The following ARID4B variants were observed in gnomAD, a reference collection of about 807,000 sequenced individuals.
ARID4B encodes the protein AT-rich interactive domain-containing protein 4B.
A neutral mutation model predicts 147.5 loss-of-function variants in ARID4B; 26 were observed. The observed-to-expected ratio is 0.18, with a 90% CI of 0.13 to 0.24. The LOEUF (loss-of-function observed/expected upper bound fraction) is 0.24. Ranked by LOEUF, ARID4B falls within the 10% of genes least tolerant of loss-of-function variation. The pLI, the probability that ARID4B is intolerant of heterozygous loss-of-function variation, is 1.00. For missense variants in ARID4B, 1,179 were observed against 1,511.5 expected, an observed-to-expected ratio of 0.78 and a Z score of 3.65; for synonymous variants, 512 against 507.9, an observed-to-expected ratio of 1.01 and a Z score of -0.11.
At chr1:235,244,013 A>C (rs1361394723) in intron 7 of ARID4B, among the ~76,000 whole-genome samples, 1 of 152,200 alleles carries the variant, frequency 6.6e-6, no homozygotes, top group African/African-American at 2.4e-5. Context: ...ACACTTTAAA[A>C]GGGTGAAGTA....
rs187727155 is a variant in ARID4B, at chr1:235,304,353, T to C, written c.6+22561A>G. On this transcript the variant is annotated intron_variant, in intron 2 of 23. Transcript: ENST00000264183. Reference sequence around the variant, plus strand: ...ACAGAGGAAGACCCTGTCCCGAAAATAAAAAAAAAGAAAAGAAATGACAAC... The same window carrying C: ...ACAGAGGAAGACCCTGTCCCGAAAACAAAAAAAAAGAAAAGAAATGACAAC... 4.2e-3 allele frequency among the ~76,000 whole-genome samples: 622 copies of C among 149,702 alleles called. 4 individuals are homozygous for C. The highest frequency in any genetic ancestry group is 0.015 in the African/African-American group (594 of 40,760).
intron 23 of ARID4B, among the ~76,000 whole-genome samples, chr1:235,170,654 C>T (rs532945521): frequency 2.2e-4 from 34 of 152,110 alleles, no homozygotes; most frequent in African/African-American, 7.0e-4. Flanking sequence ...AGGAGAATGG[C>T]GTGAACCCGG....
At chr1:235,289,362 TA>T (rs754756419) in intron 2 of ARID4B, among the ~76,000 whole-genome samples, 9 of 152,190 alleles carry the variant, frequency 5.9e-5, no homozygotes, top group Non-Finnish European at 1.0e-4. Context: ...AAGTTATTTA[TA>T]ATTCACATCA....
chr1:235,266,433 C>T (rs1322216793), intron 2 of ARID4B, among the ~76,000 whole-genome samples: 1 of 152,060 alleles, frequency 6.6e-6, no homozygotes, highest in African/African-American at 2.4e-5. Flanking sequence ...CACCTCCATG[C>T]CAAAAAGGAA....
chr1:235,256,078 C>G lies in ARID4B; in HGVS notation c.184-328G>C, dbSNP rs530816717. Among the ~76,000 whole-genome samples the G allele has an allele frequency of 1.3e-3, 191 of 149,010 alleles. 1 individual carries two copies. The highest frequency in any genetic ancestry group is 4.6e-3 in the African/African-American group (187 of 40,276). On this transcript the variant is annotated intron_variant, in intron 4 of 23. Transcript: ENST00000264183. ...AATCCCAGCTACTCGGGAGGCTGAGCCAGGAGAATTGCTTGAGCCTGGGAG... is the reference window on the plus strand; with the variant it reads ...AATCCCAGCTACTCGGGAGGCTGAGGCAGGAGAATTGCTTGAGCCTGGGAG...
intron 2 of ARID4B, among the ~76,000 whole-genome samples, chr1:235,300,800 C>G (rs949968677): frequency 6.6e-6 from 1 of 152,102 alleles, no homozygotes; most frequent in African/African-American, 2.4e-5. Flanking sequence ...ACCTCCACCT[C>G]CCAGGTTCAA....
intron 21 of ARID4B, 73 bp downstream of exon 21, chr1:235,177,727 A>G: frequency 2.0e-6 from 2 of 988,280 alleles, no homozygotes; most frequent in South Asian, 1.5e-5. Flanking sequence ...TACCCTGAAT[A>G]CCATTTTCTT....
intron 9 of ARID4B, among the ~76,000 whole-genome samples, chr1:235,232,742 C>T (rs559786423): frequency 6.6e-6 from 1 of 152,262 alleles, no homozygotes; most frequent in South Asian, 2.1e-4. Flanking sequence ...TCCTTACCCC[C>T]CAACAATTTA....
At chr1:235,230,599 A>AAAAAAAAAAAAAAAAAAAAC (rs1326767731) in intron 10 of ARID4B, among the ~76,000 whole-genome samples, 1 of 122,228 alleles carries the variant, frequency 8.2e-6, no homozygotes, top group African/African-American at 3.0e-5. Flanking sequence ...TAAGCTAAAA[A>AAAAAAAAAAAAAAAAAAAAC]AAAAAAAAAA....
At position 235,268,018 on chromosome 1, in the gene ARID4B, G is replaced by GT. The variant is rs1670730428; in HGVS notation, c.7-7267dup. On this transcript the variant is annotated intron_variant, in intron 2 of 23. Coordinates refer to ENST00000264183, the MANE Select transcript of ARID4B (RefSeq NM_016374.6). The stretch of plus-strand genomic sequence containing the variant: ...ACTAAGGACATGGATTTGTGAAGGG[G>GT]TAAGGGTTGAATAGGCACAAGGACA... 5.9e-5 allele frequency among the ~76,000 whole-genome samples: 9 copies of GT among 152,286 alleles called. No individual in the cohort carries two copies. The South Asian group carries it at 1.9e-3, about 32-fold the overall frequency.
intron 17 of ARID4B, among the ~76,000 whole-genome samples, chr1:235,203,164 C>T (rs1019180240): frequency 5.9e-5 from 9 of 152,314 alleles, no homozygotes; most frequent in East Asian, 5.8e-4. Flanking sequence ...TCAGAGACCA[C>T]AGCATACTTG....
At chr1:235,234,622 GCACA>G (rs35818300) in intron 8 of ARID4B, 130 bp from the exon 9 acceptor site, 10 of 559,626 alleles carry the variant, frequency 1.8e-5, no homozygotes, top group South Asian at 2.3e-5. Flanking sequence ...GGGTAAACAG[GCACA>G]CACACACACG....
intron 17 of ARID4B, among the ~76,000 whole-genome samples, chr1:235,207,731 T>C (rs776578335): frequency 5.9e-5 from 9 of 152,208 alleles, no homozygotes; most frequent in Non-Finnish European, 1.0e-4. Context: ...TAAAGTGTGA[T>C]AAAAAGCAAC....
At chr1:235,198,498 G>C (rs1406353171) in intron 17 of ARID4B, among the ~76,000 whole-genome samples, 2 of 152,160 alleles carry the variant, frequency 1.3e-5, no homozygotes, top group Admixed American at 6.5e-5. Context: ...TTAAGAACAA[G>C]GTGGCAAGAA....
At chr1:235,317,483 G>T (rs549656436) in intron 2 of ARID4B, among the ~76,000 whole-genome samples, 1 of 152,134 alleles carries the variant, frequency 6.6e-6, no homozygotes, top group Non-Finnish European at 1.5e-5. Context: ...CTTTCATTAT[G>T]TCCCTTGCTT....
intron 19 of ARID4B, among the ~76,000 whole-genome samples, chr1:235,188,942 C>T (rs1664879193): frequency 6.6e-6 from 1 of 151,872 alleles, no homozygotes; most frequent in Non-Finnish European, 1.5e-5. Context: ...AACAACAACA[C>T]AGAAAAAAGC....
intron 2 of ARID4B, among the ~76,000 whole-genome samples, chr1:235,282,646 C>T (rs184619769): frequency 2.6e-5 from 4 of 151,902 alleles, no homozygotes; most frequent in African/African-American, 9.7e-5. Flanking sequence ...TTTCGACAGA[C>T]CCAAAAAAGT....
chr1:235,304,268 AG>A (rs1442048071), intron 2 of ARID4B, among the ~76,000 whole-genome samples: 2 of 152,130 alleles, frequency 1.3e-5, no homozygotes, highest in Admixed American at 6.6e-5. Context: ...GGATCACTTG[AG>A]CCCAGGAGGT....
chr1:235,223,353 T>TTATATATATATACACGTATATA (rs1558218893), intron 12 of ARID4B, 93 bp from the exon 13 acceptor site: 5 of 256,874 alleles, frequency 1.9e-5, no homozygotes, highest in African/African-American at 1.5e-4. Flanking sequence ...TTATAGTATT[T>TTATATATATATACACGTATATA]TATATATATA....
Sources: allele counts gnomAD v4.1 joint callset (sites outside exome capture counted in the v4.1 genomes callset), GRCh38; gene constraint gnomAD v4.1.1; transcripts MANE v1.5; gene names NCBI Gene and HGNC (gene_info 2026-07-23, HGNC 2026-07-21).